LURAP1: variants seen among roughly 807,000 people sequenced by gnomAD.
LURAP1 encodes the protein NF-kappa-B activator C1orf190.
LURAP1 carries 14 observed loss-of-function variants against 19.0 expected under a neutral mutation model. That is an observed-to-expected ratio of 0.74 (90% CI 0.49 to 1.15). The LOEUF (loss-of-function observed/expected upper bound fraction) is 1.15. Among genes scored for constraint, LURAP1 ranks in the 50% most tolerant of loss-of-function variants. The pLI, the probability that LURAP1 is intolerant of heterozygous loss-of-function variation, is 0.00. For missense variants in LURAP1, 273 were observed against 309.1 expected (o/e 0.88, Z 0.87); for synonymous variants, 129 against 131.8 (o/e 0.98, Z 0.14).
chr1:46,213,158 A>C (rs898274755), intron 1 of LURAP1, among the ~76,000 whole-genome samples: 1 of 151,888 alleles, frequency 6.6e-6, no homozygotes. Flanking sequence ...CACATACACA[A>C]ATATTTATAT....
In LURAP1 at chr1:46,214,501, A is replaced by T. The variant is rs769076008; in HGVS notation, c.199-5198A>T. 2.6e-4 allele frequency among the ~76,000 whole-genome samples: 40 copies of T among 152,342 alleles called. 1 individual carries two copies. In the Middle Eastern group the frequency reaches 0.034, roughly 130 times the overall value. ...AAAACAAGAAGGTGTAAAAAGGTAA[A>T]CATTCAGAGAACTAGAAACAGCACT... On this transcript the variant is annotated intron_variant, in intron 1 of 1. Transcript: ENST00000371980.
At chr1:46,218,020 A>G (rs1157239576) in intron 1 of LURAP1, among the ~76,000 whole-genome samples, 1 of 152,208 alleles carries the variant, frequency 6.6e-6, no homozygotes, top group African/African-American at 2.4e-5. Context: ...GTTTCTGGGA[A>G]GTAGGACCAG....
intron 1 of LURAP1, among the ~76,000 whole-genome samples, chr1:46,210,733 A>G (rs1311630097): frequency 6.6e-6 from 1 of 152,150 alleles, no homozygotes; most frequent in Non-Finnish European, 1.5e-5. Context: ...ACCACCCTCC[A>G]TCTGTTCAGC....
chr1:46,220,181 G>T lies in LURAP1; in HGVS notation c.681G>T (p.Trp227Cys), dbSNP rs774649351. ...CCAAGCTGGGCTTCGAGGCCCACTG[G>T]TTCTGGGAGCAGTGCCAGGATGATG... ...ESAKLGFEAHWFWEQCQDDVT... is the reference protein window; with the variant it reads ...ESAKLGFEAHCFWEQCQDDVT... The change falls in exon 2 of 2, where the codon TGG becomes TGT. Residue 227 changes from tryptophan (W) to cysteine (C), a missense_variant. Trp to Cys is a radical substitution (Grantham distance 215). Transcript: ENST00000371980. 2.5e-6 allele frequency: 4 copies of T among 1,613,790 alleles called. No individual in the cohort carries two copies. The highest frequency in any genetic ancestry group is 3.4e-6 in the Non-Finnish European group (4 of 1,179,884).
chr1:46,211,185 CCT>C (rs1316870328), intron 1 of LURAP1, among the ~76,000 whole-genome samples: 1 of 152,056 alleles, frequency 6.6e-6, no homozygotes, highest in Non-Finnish European at 1.5e-5. Context: ...CCCAGCAAAG[CCT>C]GTCTGTTTAG....
At chr1:46,211,220 G>A (rs1344552933) in intron 1 of LURAP1, among the ~76,000 whole-genome samples, 3 of 151,994 alleles carry the variant, frequency 2.0e-5, no homozygotes, top group African/African-American at 4.8e-5. Context: ...CTCTCTCTGC[G>A]GCATTCCTTC....
chr1:46,219,728 C>T lies in LURAP1; in HGVS notation c.228C>T (p.Ile76=). Reference sequence around the variant, plus strand: ...ACCTGCGAGCCATCGATGTGAAGATCCTGCAGCAGCTGGTGACCTTGAATG... The same window carrying T: ...ACCTGCGAGCCATCGATGTGAAGATTCTGCAGCAGCTGGTGACCTTGAATG... ...LAYLRAIDVK[I]LQQLVTLNEG... is the part of the protein sequence containing the mutation. Residue 76 remains isoleucine (I), a synonymous_variant, in exon 2 of 2, where the codon ATC becomes ATT. Transcript: ENST00000371980. 1 of 1,604,948 alleles carries T rather than the reference C, an allele frequency of 6.2e-7. No homozygotes were observed.
At position 46,219,696 on chromosome 1, in the gene LURAP1, C is replaced by T. The variant is rs1383815158; in HGVS notation, c.199-3C>T. 2 of 1,576,946 alleles carry T rather than the reference C, an allele frequency of 1.3e-6. No individual in the cohort carries two copies. The highest frequency in any genetic ancestry group is 1.7e-6 in the Non-Finnish European group (2 of 1,160,394). ...GGACTAATTCCTTCTCCCACTCCCC[C>T]AGGCTTACCTGCGAGCCATCGATGT... On this transcript the variant is annotated splice_polypyrimidine_tract_variant and splice_region_variant and intron_variant, in intron 1 of 1. Transcript: ENST00000371980.
At chr1:46,209,015 G>A (rs961921885) in intron 1 of LURAP1, among the ~76,000 whole-genome samples, 5 of 152,154 alleles carry the variant, frequency 3.3e-5, no homozygotes, top group Non-Finnish European at 7.4e-5. Context: ...GGGGAAAGCT[G>A]AAAAGCAACA....
chr1:46,210,696 C>T (rs866210830), intron 1 of LURAP1, among the ~76,000 whole-genome samples: 4 of 152,148 alleles, frequency 2.6e-5, no homozygotes, highest in South Asian at 4.2e-4. Flanking sequence ...GGAAGGGGTG[C>T]GGAACTTCTG....
chr1:46,210,625 G>A (rs1051471103), intron 1 of LURAP1, among the ~76,000 whole-genome samples: 5 of 152,116 alleles, frequency 3.3e-5, no homozygotes, highest in East Asian at 1.9e-4. Flanking sequence ...CACATTTACT[G>A]GTTTATTATA....
At chr1:46,208,250 C>T (rs1464870817) in intron 1 of LURAP1, among the ~76,000 whole-genome samples, 1 of 152,122 alleles carries the variant, frequency 6.6e-6, no homozygotes, top group African/African-American at 2.4e-5. Context: ...GTGTCAGCCT[C>T]CCGAAGTTCT....
chr1:46,203,483 G>A lies in LURAP1; in HGVS notation c.57G>A (p.Val19=). The change falls in exon 1 of 2, where the codon GTG becomes GTA. Residue 19 remains valine (V), a synonymous_variant. Coordinates refer to ENST00000371980, the MANE Select transcript of LURAP1 (RefSeq NM_001013615.3). ...ACCTGCGGGATGTGGAGGGTAAGGT[G>A]GGCAGGAAGACCCCTGAAGGGCTGC... The part of the protein sequence containing the change: ...TPDLRDVEGK[V]GRKTPEGLLR... 1 of 1,531,146 alleles carries A rather than the reference G, an allele frequency of 6.5e-7. No individual in the cohort carries two copies. Among genetic ancestry groups the A allele is most frequent in the Non-Finnish European group, 8.8e-7 (1 of 1,140,288 alleles). 94.8% of individuals were successfully genotyped at this position (1,531,146 alleles called of 1,614,324 possible).
chr1:46,210,423 T>C (rs1658856793), intron 1 of LURAP1, among the ~76,000 whole-genome samples: 1 of 152,186 alleles, frequency 6.6e-6, no homozygotes, highest in Non-Finnish European at 1.5e-5. Flanking sequence ...TAATTTCAAC[T>C]CTGTCTACCT....
chr1:46,219,635 T>C, intron 1 of LURAP1, 64 bp from the exon 2 acceptor site: 1 of 1,494,924 alleles, frequency 6.7e-7, no homozygotes, highest in Non-Finnish European at 8.9e-7. Context: ...GGTAGTGGCC[T>C]GTGGAAACGC....
At chr1:46,208,135 C>A (rs1658778191) in intron 1 of LURAP1, among the ~76,000 whole-genome samples, 3 of 152,130 alleles carry the variant, frequency 2.0e-5, no homozygotes, top group Non-Finnish European at 4.4e-5. Flanking sequence ...GCTGGGATTA[C>A]AGGTGTGAGC....
intron 1 of LURAP1, among the ~76,000 whole-genome samples, chr1:46,212,881 T>A (rs931026148): frequency 2.0e-5 from 3 of 152,096 alleles, no homozygotes; most frequent in African/African-American, 7.2e-5. Context: ...TGCCTCAGCC[T>A]CCTGAGTAGC....
intron 1 of LURAP1, among the ~76,000 whole-genome samples, chr1:46,217,972 A>G (rs1344133468): frequency 6.6e-6 from 1 of 152,230 alleles, no homozygotes; most frequent in Non-Finnish European, 1.5e-5. Flanking sequence ...ATTAGGAGGT[A>G]AATACCAAAA....
At chr1:46,206,908 T>G (rs948851394) in intron 1 of LURAP1, among the ~76,000 whole-genome samples, 8 of 152,064 alleles carry the variant, frequency 5.3e-5, no homozygotes, top group Non-Finnish European at 1.0e-4. Context: ...ACATTTCTAG[T>G]ACAGGATGAT....
Sources: gnomAD v4.1 joint callset for allele counts (sites outside exome capture counted in the v4.1 genomes callset) on GRCh38, gnomAD v4.1.1 for gene constraint, MANE v1.5 for transcripts, NCBI Gene and HGNC (gene_info 2026-07-23, HGNC 2026-07-21) for gene names.